Variants in RRAS2 observed in about 807,000 individuals in gnomAD.
The protein encoded by RRAS2 is RAS related 2.
Under a neutral mutation model 27.6 loss-of-function variants are expected in RRAS2, and 7 were observed. The ratio of observed to expected loss-of-function variants is 0.25; its 90% CI spans 0.14 to 0.48. The LOEUF is 0.48. RRAS2 is among the 20% of genes least tolerant of loss of function. RRAS2 has a pLI of 0.99. For synonymous variants in RRAS2, 86 were observed against 90.9 expected (o/e 0.95, Z 0.31); for missense variants, 178 against 256.2 (o/e 0.69, Z 2.08).
rs117443940 is a variant in RRAS2 at position 14,338,400 on chromosome 11, A to C, written c.108+20363T>G. On this transcript the variant is annotated intron_variant, in intron 1 of 5. Transcript: ENST00000256196. ...ATTTTGGAATATCTGCATATACATGAGTTATCCTGGGGGATGGGACCCAAG... is the reference window on the plus strand; with the variant it reads ...ATTTTGGAATATCTGCATATACATGCGTTATCCTGGGGGATGGGACCCAAG... Among the ~76,000 whole-genome samples the C allele has an allele frequency of 8.3e-3, 1,266 of 152,300 alleles. 11 individuals carry two copies. Among genetic ancestry groups the C allele is most frequent in the Middle Eastern group, 0.014 (4 of 294 alleles).
chr11:14,331,642 G>A (rs1267395372), intron 1 of RRAS2, among the ~76,000 whole-genome samples: 2 of 138,452 alleles, frequency 1.4e-5, no homozygotes, highest in African/African-American at 5.5e-5. Flanking sequence ...TTCAAGTCCA[G>A]CGTAGGCAAC....
intron 1 of RRAS2, among the ~76,000 whole-genome samples, chr11:14,318,480 G>C (rs904106091): frequency 1.4e-4 from 22 of 152,160 alleles, no homozygotes; most frequent in African/African-American, 4.3e-4. Context: ...TCCAGCCTGG[G>C]TGACAGAGAG....
At chr11:14,334,372 A>C (rs2134014520) in intron 1 of RRAS2, among the ~76,000 whole-genome samples, 1 of 152,282 alleles carries the variant, frequency 6.6e-6, no homozygotes, top group African/African-American at 2.4e-5. Flanking sequence ...CTGTCATTTT[A>C]AGATATGAGA....
intron 4 of RRAS2, among the ~76,000 whole-genome samples, chr11:14,287,946 C>T (rs1849709719): frequency 6.6e-6 from 1 of 151,630 alleles, no homozygotes; most frequent in Admixed American, 6.6e-5. Context: ...TAAAACAATC[C>T]TGCTGCTAGG....
intron 1 of RRAS2, among the ~76,000 whole-genome samples, chr11:14,332,312 T>C (rs1295218976): frequency 6.6e-6 from 1 of 152,124 alleles, no homozygotes; most frequent in Non-Finnish European, 1.5e-5. Context: ...TGGTATATCA[T>C]ACAATGAAAT....
At chr11:14,281,490 T>C (rs1849534347) in intron 5 of RRAS2, 112 bp downstream of exon 5, 1 of 715,464 alleles carries the variant, frequency 1.4e-6, no homozygotes, top group South Asian at 2.4e-5. Flanking sequence ...AAAATTGTAA[T>C]GCACCATGTG....
intron 1 of RRAS2, among the ~76,000 whole-genome samples, chr11:14,322,329 A>G (rs1848244951): frequency 6.6e-6 from 1 of 151,874 alleles, no homozygotes; most frequent in African/African-American, 2.4e-5. Context: ...AGTCCCATCT[A>G]CTTGGGAGGC....
At chr11:14,329,064 T>C (rs1306566115) in intron 1 of RRAS2, among the ~76,000 whole-genome samples, 2 of 78,908 alleles carry the variant, frequency 2.5e-5, no homozygotes, top group Non-Finnish European at 5.5e-5. Context: ...CACACACATA[T>C]ACATACACAC....
chr11:14,288,594 C>T (rs1554945391), intron 4 of RRAS2, among the ~76,000 whole-genome samples: 1 of 152,122 alleles, frequency 6.6e-6, no homozygotes, highest in Non-Finnish European at 1.5e-5. Flanking sequence ...TAATATTAAG[C>T]CTCATCTCCT....
chr11:14,297,655 C>T (rs930027215), intron 1 of RRAS2, among the ~76,000 whole-genome samples: 5 of 151,764 alleles, frequency 3.3e-5, no homozygotes, highest in East Asian at 1.9e-4. Context: ...CTAGTTACTC[C>T]GGAGGCTGAG....
chr11:14,296,004 T>A (rs1847538486), intron 1 of RRAS2, 149 bp from the exon 2 acceptor site: 1 of 537,724 alleles, frequency 1.9e-6, no homozygotes, highest in Non-Finnish European at 3.1e-6. Context: ...AAGACTCTTA[T>A]CTCTTAAAAA....
At chr11:14,307,050 G>T (rs1459110819) in intron 1 of RRAS2, among the ~76,000 whole-genome samples, 2 of 151,932 alleles carry the variant, frequency 1.3e-5, no homozygotes, top group East Asian at 1.9e-4. Context: ...AATTAGCAGG[G>T]CATGATGGCA....
intron 4 of RRAS2, among the ~76,000 whole-genome samples, chr11:14,293,491 C>T (rs1273988697): frequency 6.6e-6 from 1 of 151,896 alleles, no homozygotes; most frequent in African/African-American, 2.4e-5. Context: ...TCTTTTTTAA[C>T]TGCAGTTCCC....
chr11:14,341,779 G>A (rs1161054000), intron 1 of RRAS2: 2 of 453,004 alleles, frequency 4.4e-6, no homozygotes, highest in Admixed American at 2.4e-5. Flanking sequence ...CTCAGAAAAT[G>A]TTATGAAAAA....
At chr11:14,288,677 G>A (rs775442565) in intron 4 of RRAS2, among the ~76,000 whole-genome samples, 1 of 152,150 alleles carries the variant, frequency 6.6e-6, no homozygotes, top group Non-Finnish European at 1.5e-5. Flanking sequence ...CAAATCTGAT[G>A]CAACAAATTC....
chr11:14,345,094 C>A (rs1848801777), intron 1 of RRAS2, among the ~76,000 whole-genome samples: 1 of 143,496 alleles, frequency 7.0e-6, no homozygotes, highest in Admixed American at 7.6e-5. Flanking sequence ...TCAAGAGATT[C>A]TTCTGCCTTA....
chr11:14,329,017 A>G (rs200945497), intron 1 of RRAS2, among the ~76,000 whole-genome samples: 53,343 of 139,548 alleles, frequency 0.38, 10,029 homozygotes, highest in Admixed American at 0.47. Context: ...GTGTGTATAT[A>G]TATATATATA....
chr11:14,355,600 A>C (rs1849054928), intron 1 of RRAS2, among the ~76,000 whole-genome samples: 1 of 152,236 alleles, frequency 6.6e-6, no homozygotes, highest in African/African-American at 2.4e-5. Flanking sequence ...TCATATGAAC[A>C]GAAGGTAACA....
At chr11:14,294,382 T>TC (rs1475906742) in intron 4 of RRAS2, 89 bp downstream of exon 4, 2 of 889,404 alleles carry the variant, frequency 2.2e-6, no homozygotes, top group East Asian at 5.3e-5. Context: ...ATTTTTTTTT[T>TC]ACTAGACTTT....
Sources: gnomAD v4.1 joint callset for allele counts (sites outside exome capture counted in the v4.1 genomes callset) on GRCh38, gnomAD v4.1.1 for gene constraint, MANE v1.5 for transcripts, NCBI Gene and HGNC (gene_info 2026-07-23, HGNC 2026-07-21) for gene names.